FARP1: variants seen among roughly 807,000 people sequenced by gnomAD.
The protein encoded by FARP1 is FERM, ARH/RhoGEF and pleckstrin domain protein 1, also known as FERM, ARHGEF and pleckstrin domain-containing protein 1.
Under a neutral mutation model 128.8 loss-of-function variants are expected in FARP1, and 52 were observed. The ratio of observed to expected loss-of-function variants is 0.40; its 90% CI spans 0.32 to 0.51. FARP1 has a LOEUF of 0.51. FARP1 is among the 20% of genes least tolerant of loss of function. FARP1 has a pLI of 0.45. For missense variants in FARP1, 1,333 were observed against 1,367.9 expected, an observed-to-expected ratio of 0.97 and a Z score of 0.40; for synonymous variants, 580 against 551.8, an observed-to-expected ratio of 1.05 and a Z score of -0.72.
intron 1 of FARP1, among the ~76,000 whole-genome samples, chr13:98,174,312 CTTG>C (rs932253024): frequency 2.6e-5 from 4 of 152,170 alleles, no homozygotes; most frequent in African/African-American, 9.7e-5. Flanking sequence ...ACTTGGAGCA[CTTG>C]TTGACAAGGT....
intron 1 of FARP1, among the ~76,000 whole-genome samples, chr13:98,160,447 T>TGA (rs1488217381): frequency 6.6e-6 from 1 of 152,184 alleles, no homozygotes; most frequent in Non-Finnish European, 1.5e-5. Flanking sequence ...TGTGTTTCAC[T>TGA]GAGGCTTTAA....
chr13:98,408,310 G>A (rs376460710), intron 13 of FARP1, among the ~76,000 whole-genome samples: 142 of 150,074 alleles, frequency 9.5e-4, no homozygotes, highest in African/African-American at 3.2e-3. Context: ...GACTCATAGC[G>A]GGTAATATAT....
Position 98,200,398 on chromosome 13 carries a change from C to CG in FARP1, c.-23-12822_-23-12821insG, listed in dbSNP as rs967233034. ...GGAATGCAACCTTCACCCCCCCCCC[C>CG]TCCCCTTTGTGATTCAGTGGGGCTG... On this transcript the variant is annotated intron_variant, in intron 1 of 26. Transcript: ENST00000319562. Among the ~76,000 whole-genome samples, 4 of 144,064 alleles carry CG rather than the reference C, an allele frequency of 2.8e-5. No individual in the cohort carries two copies. The East Asian group carries it at 6.2e-4, about 22-fold the overall frequency. 94.5% of individuals were successfully genotyped at this position (144,064 alleles called of 152,430 possible).
intron 1 of FARP1, among the ~76,000 whole-genome samples, chr13:98,165,710 GTTTTTTTTTTTTTTTT>G (rs71111927): frequency 0.01 from 757 of 74,130 alleles, 4 homozygotes; most frequent in East Asian, 0.025. Flanking sequence ...TCCAGAAGGG[GTTTTTTTTTTTTTTTT>G]TTTTTTTTTT....
chr13:98,377,784 C>G (rs201848646), intron 5 of FARP1, 37 bp from the exon 6 acceptor site: 3 of 1,536,830 alleles, frequency 2.0e-6, no homozygotes, highest in East Asian at 2.2e-5. Flanking sequence ...ACCTCCTGCC[C>G]TCTTTGCCTG....
chr13:98,295,044 ATTACACACAC>A (rs1236262984), intron 2 of FARP1, among the ~76,000 whole-genome samples: 2 of 133,358 alleles, frequency 1.5e-5, no homozygotes, highest in African/African-American at 2.9e-5. Context: ...ATATATATAT[ATTACACACAC>A]ACACACACAC....
intron 13 of FARP1, chr13:98,397,541 C>T (rs1454201123): frequency 4.6e-5 from 7 of 152,220 alleles, no homozygotes; most frequent in Non-Finnish European, 1.0e-4. Context: ...CCACCAGTGT[C>T]ACTGCCTTTC....
chr13:98,437,646 A>G (rs1281322847), intron 19 of FARP1: 1 of 617,742 alleles, frequency 1.6e-6, no homozygotes, highest in South Asian at 2.1e-5. Flanking sequence ...CTCTGGTGAT[A>G]GCTGGGCGCA....
At chr13:98,287,284 G>A (rs1234858504) in intron 2 of FARP1, among the ~76,000 whole-genome samples, 1 of 128,474 alleles carries the variant, frequency 7.8e-6, no homozygotes, top group Admixed American at 9.8e-5. Context: ...AGGCTGGAGT[G>A]CAGTGGCTCA....
At chr13:98,362,238 G>A (rs554421217) in intron 3 of FARP1, among the ~76,000 whole-genome samples, 1 of 152,246 alleles carries the variant, frequency 6.6e-6, no homozygotes, top group East Asian at 1.9e-4. Flanking sequence ...ACAGTGAGAC[G>A]CTGTCTCAAA....
chr13:98,256,027 A>G (rs560920593), intron 2 of FARP1, among the ~76,000 whole-genome samples: 150 of 152,362 alleles, frequency 9.8e-4, no homozygotes, highest in African/African-American at 3.3e-3. Context: ...CAACTGGTCA[A>G]AAATCTTAAG....
chr13:98,432,267 A>G (rs953398474), intron 18 of FARP1: 3 of 152,266 alleles, frequency 2.0e-5, no homozygotes, highest in African/African-American at 4.8e-5. Flanking sequence ...TGTGTACCTG[A>G]TACTGTACCA....
At chr13:98,150,616 C>T (rs1317142761) in intron 1 of FARP1, among the ~76,000 whole-genome samples, 2 of 152,068 alleles carry the variant, frequency 1.3e-5, no homozygotes, top group Non-Finnish European at 2.9e-5. Context: ...GAAATATATT[C>T]AGTGTTGGAA....
chr13:98,277,109 T>C (rs866387968), intron 2 of FARP1, among the ~76,000 whole-genome samples: 9 of 118,136 alleles, frequency 7.6e-5, no homozygotes, highest in African/African-American at 1.3e-4. Flanking sequence ...TCTAGAAAAA[T>C]ACACACACAC....
chr13:98,156,063 C>T (rs576117058), intron 1 of FARP1, among the ~76,000 whole-genome samples: 5 of 152,260 alleles, frequency 3.3e-5, no homozygotes, highest in South Asian at 2.1e-4. Flanking sequence ...TTTCAATCCC[C>T]GTTTCCTCCC....
intron 16 of FARP1, among the ~76,000 whole-genome samples, chr13:98,423,789 T>A (rs1891680689): frequency 6.6e-6 from 1 of 152,140 alleles, no homozygotes. Flanking sequence ...CTTAGCATGG[T>A]GTCTGGTACA....
intron 18 of FARP1, chr13:98,433,335 A>G (rs1892122179): frequency 6.6e-6 from 1 of 152,236 alleles, no homozygotes; most frequent in Non-Finnish European, 1.5e-5. Context: ...GCAACCCAAT[A>G]GGTAGAAGAC....
intron 1 of FARP1, among the ~76,000 whole-genome samples, chr13:98,172,852 C>T (rs1295544147): frequency 6.6e-6 from 1 of 152,158 alleles, no homozygotes; most frequent in East Asian, 1.9e-4. Flanking sequence ...TAACTTTACA[C>T]GTTTCTGAAA....
At chr13:98,318,583 G>GA (rs1393378477) in intron 2 of FARP1, among the ~76,000 whole-genome samples, 2 of 152,198 alleles carry the variant, frequency 1.3e-5, no homozygotes, top group African/African-American at 4.8e-5. Context: ...AGGCTGCCCT[G>GA]AGGCACCCTG....
Sources: gnomAD v4.1 joint callset for allele counts (sites outside exome capture counted in the v4.1 genomes callset) on GRCh38, gnomAD v4.1.1 for gene constraint, MANE v1.5 for transcripts, NCBI Gene and HGNC (gene_info 2026-07-23, HGNC 2026-07-21) for gene names.